ATXN1: variants seen among roughly 807,000 people sequenced by gnomAD.
The protein encoded by ATXN1 is ataxin 1, also known as ataxin-1.
A neutral mutation model predicts 56.4 loss-of-function variants in ATXN1; 8 were observed. That is an observed-to-expected ratio of 0.14 (90% CI 0.08 to 0.26). The LOEUF (loss-of-function observed/expected upper bound fraction) is 0.26, where lower values mean the gene tolerates loss of function less well. Ranked by LOEUF, ATXN1 falls within the 10% of genes least tolerant of loss-of-function variation. ATXN1 has a pLI of 1.00. For missense variants in ATXN1, 987 were observed against 1,106.5 expected, an observed-to-expected ratio of 0.89 and a Z score of 1.53; for synonymous variants, 514 against 494.6, an observed-to-expected ratio of 1.04 and a Z score of -0.52.
chr6:16,345,107 T>A (rs780777406), intron 6 of ATXN1, among the ~76,000 whole-genome samples: 1 of 152,232 alleles, frequency 6.6e-6, no homozygotes, highest in Non-Finnish European at 1.5e-5. Flanking sequence ...GGCAAAGGAT[T>A]TCTGGATCAT....
chr6:16,493,261 A>T lies in ATXN1; in HGVS notation c.-298-7152T>A, dbSNP rs182580919. ...AATCTGGCCCCAGCATGCTTTTCCA[A>T]CTTCATTTCTACTTCTCCCCTCATG... On this transcript the variant is annotated intron_variant, in intron 5 of 7. Transcript: ENST00000436367. Among the ~76,000 whole-genome samples, 74 of 152,038 alleles carry T rather than the reference A, an allele frequency of 4.9e-4. No individual in the cohort carries two copies. The Middle Eastern group carries it at 0.01, about 21-fold the overall frequency.
At chr6:16,653,593 T>C (rs74705806) in intron 3 of ATXN1, among the ~76,000 whole-genome samples, 3,923 of 152,268 alleles carry the variant, frequency 0.026, 74 homozygotes, top group South Asian at 0.073. Flanking sequence ...CAGCTCCTCA[T>C]AGCTGATGTC....
chr6:16,558,054 G>A (rs1035721665), intron 4 of ATXN1, among the ~76,000 whole-genome samples: 5 of 152,104 alleles, frequency 3.3e-5, no homozygotes, highest in African/African-American at 7.2e-5. Context: ...ATGGGTAAAG[G>A]TTTTCTTTTT....
chr6:16,720,946 T>C (rs1759733835), intron 2 of ATXN1, among the ~76,000 whole-genome samples: 1 of 152,238 alleles, frequency 6.6e-6, no homozygotes, highest in South Asian at 2.1e-4. Context: ...GCAAGAAATG[T>C]CTGTCCTTAT....
At chr6:16,730,151 T>C (rs1280624352) in intron 2 of ATXN1, among the ~76,000 whole-genome samples, 1 of 152,096 alleles carries the variant, frequency 6.6e-6, no homozygotes, top group African/African-American at 2.4e-5. Flanking sequence ...GGCATGGTGG[T>C]GCACGCCTGT....
intron 7 of ATXN1, among the ~76,000 whole-genome samples, chr6:16,314,861 T>C (rs1208827282): frequency 6.6e-6 from 1 of 152,188 alleles, no homozygotes; most frequent in Admixed American, 6.5e-5. Flanking sequence ...TCTGCCTGCC[T>C]TGGCCTCCTA....
intron 6 of ATXN1, among the ~76,000 whole-genome samples, chr6:16,454,105 A>G (rs1302760965): frequency 1.4e-5 from 2 of 146,204 alleles, no homozygotes; most frequent in African/African-American, 5.1e-5. Context: ...AGCCTGGGCA[A>G]TAAGAGCGAG....
intron 2 of ATXN1, among the ~76,000 whole-genome samples, chr6:16,675,378 C>CTTA (rs1303669358): frequency 6.6e-6 from 1 of 152,190 alleles, no homozygotes; most frequent in Non-Finnish European, 1.5e-5. Context: ...GACTGAGGAT[C>CTTA]TAAGAGCCAA....
chr6:16,722,609 C>A (rs1041711093), intron 2 of ATXN1, among the ~76,000 whole-genome samples: 1 of 151,962 alleles, frequency 6.6e-6, no homozygotes, highest in African/African-American at 2.4e-5. Context: ...CAGTAAATAA[C>A]GATAATAAAA....
chr6:16,728,249 T>A (rs1759891587), intron 2 of ATXN1, among the ~76,000 whole-genome samples: 3 of 152,058 alleles, frequency 2.0e-5, no homozygotes. Context: ...ATAAATGACA[T>A]GATCAAATAA....
At chr6:16,392,426 C>T (rs1374124807) in intron 6 of ATXN1, among the ~76,000 whole-genome samples, 1 of 152,112 alleles carries the variant, frequency 6.6e-6, no homozygotes, top group Non-Finnish European at 1.5e-5. Context: ...CTGTTAGGAT[C>T]CTGGATGCTT....
At chr6:16,544,806 A>AGGGAGGTAG in intron 4 of ATXN1, among the ~76,000 whole-genome samples, 1 of 152,154 alleles carries the variant, frequency 6.6e-6, no homozygotes, top group South Asian at 2.1e-4. Context: ...AGCTTTTCTA[A>AGGGAGGTAG]GGGAGGGAGG....
chr6:16,326,817 G>A lies in ATXN1; in HGVS notation c.1494C>T (p.Asp498=), dbSNP rs1332789821. The change falls in exon 7 of 8, where the codon GAC becomes GAT. Residue 498 remains aspartate (D), a synonymous_variant. Coordinates refer to ENST00000436367, the MANE Select transcript of ATXN1 (RefSeq NM_001128164.2). This position sits in a 1 kb window ranked among gnomAD's most constrained non-coding sequence, Gnocchi z 6.6. ...QPLLIPVGST[D]MEASGAAPAI... ...CCGGGGCTGCCCCCGACGCTTCCAT[G>A]TCAGTGCTGCCGACCGGGATGAGCA... is the stretch of plus-strand genomic sequence containing the variant. 11 of 1,608,232 alleles carry A rather than the reference G, an allele frequency of 6.8e-6. No individual in the cohort carries two copies. Among genetic ancestry groups the A allele is most frequent in the East Asian group, 2.2e-5 (1 of 44,754 alleles).
chr6:16,473,050 T>C (rs1417190769), intron 6 of ATXN1, among the ~76,000 whole-genome samples: 10 of 152,144 alleles, frequency 6.6e-5, no homozygotes, highest in Non-Finnish European at 1.5e-4. Flanking sequence ...AGGGAAGGTG[T>C]CCCTCAAGGA....
chr6:16,611,628 C>T (rs1763107332), intron 3 of ATXN1, among the ~76,000 whole-genome samples: 1 of 151,982 alleles, frequency 6.6e-6, no homozygotes. Flanking sequence ...GACAGTTTTA[C>T]AACTGTTAAT....
At chr6:16,544,062 T>C (rs1761766925) in intron 4 of ATXN1, among the ~76,000 whole-genome samples, 2 of 152,218 alleles carry the variant, frequency 1.3e-5, no homozygotes, top group Non-Finnish European at 2.9e-5. Context: ...TGTGCCATCC[T>C]GAGCAAGTCA....
At chr6:16,409,936 A>G (rs569097717) in intron 6 of ATXN1, among the ~76,000 whole-genome samples, 95 of 152,322 alleles carry the variant, frequency 6.2e-4, no homozygotes, top group African/African-American at 2.2e-3. Context: ...AACAAGGAAC[A>G]GATTTGAGTT....
rs556206258 is a variant in ATXN1 at position 16,683,273 on chromosome 6, G to A, written c.-614-25372C>T. Among the ~76,000 whole-genome samples, 48 of 152,326 alleles carry A rather than the reference G, an allele frequency of 3.2e-4. No homozygotes were observed. In the South Asian group the frequency reaches 9.1e-3, roughly 29 times the overall value. ...CCTTGGACTAGAACAACCTATGAGA[G>A]AAAGATGGTGCCCAATGGGCCAGCA... On this transcript the variant is annotated intron_variant, in intron 2 of 7. Transcript: ENST00000436367.
chr6:16,493,987 C>T (rs1348764300), intron 5 of ATXN1, among the ~76,000 whole-genome samples: 1 of 152,192 alleles, frequency 6.6e-6, no homozygotes, highest in Admixed American at 6.5e-5. Context: ...TGAGCACACT[C>T]AGCCCAGCAG....
Sources: allele counts gnomAD v4.1 joint callset (sites outside exome capture counted in the v4.1 genomes callset), GRCh38; gene constraint gnomAD v4.1.1; non-coding constraint Gnocchi (gnomAD v3.1); transcripts MANE v1.5; gene names NCBI Gene and HGNC (gene_info 2026-07-23, HGNC 2026-07-21).